The following DGCR8 variants were observed in gnomAD, a reference collection of about 807,000 sequenced individuals.
DGCR8 encodes the protein DGCR8 microprocessor complex subunit.
Under a neutral mutation model 78.5 loss-of-function variants are expected in DGCR8, and 14 were observed. The observed-to-expected ratio is 0.18, with a 90% CI of 0.12 to 0.28. DGCR8 has a LOEUF of 0.28. DGCR8 is among the 10% of genes least tolerant of loss of function. DGCR8 has a pLI of 1.00. For missense variants in DGCR8, 702 were observed against 1,022.5 expected (o/e 0.69, Z 4.28); for synonymous variants, 399 against 402.4 (o/e 0.99, Z 0.10).
chr22:20,107,455 C>T, intron 12 of DGCR8, 57 bp downstream of exon 12: 1 of 1,606,382 alleles, frequency 6.2e-7, no homozygotes, highest in Non-Finnish European at 8.5e-7. Flanking sequence ...GGAGCGTATT[C>T]CTGAGGCTCT....
chr22:20,106,447 C>CGT (rs2049770916), intron 10 of DGCR8, 145 bp from the exon 11 acceptor site: 3 of 805,646 alleles, frequency 3.7e-6, no homozygotes, highest in Non-Finnish European at 6.2e-6. Flanking sequence ...CTGAATCGGG[C>CGT]GTGTGGAGAA....
intron 9 of DGCR8, chr22:20,100,311 C>T (rs994958966): frequency 5.5e-5 from 53 of 960,528 alleles, no homozygotes; most frequent in Non-Finnish European, 6.2e-5. Context: ...GTGATCCGTC[C>T]GTCTTGGCCT....
Position 20,085,710 on chromosome 22 carries a change from C to T in DGCR8, c.-254C>T, listed in dbSNP as rs540406102. On this transcript the variant is annotated 5_prime_UTR_variant, in exon 2 of 14. Transcript: ENST00000351989. This position sits in a 1 kb window ranked among gnomAD's most constrained non-coding sequence, Gnocchi z 6.2. ...AGGTAGAAGAAGAAAGGTGCCACTCCGGCATGAAGACAGACTCGCTTAGTC... is the reference window on the plus strand; with the variant it reads ...AGGTAGAAGAAGAAAGGTGCCACTCTGGCATGAAGACAGACTCGCTTAGTC... 197 of 1,308,182 alleles carry T rather than the reference C, an allele frequency of 1.5e-4. No homozygotes were observed. The African/African-American group carries it at 2.7e-3, about 18-fold the overall frequency. 81.0% of individuals were successfully genotyped at this position (1,308,182 alleles called of 1,614,324 possible). A position where few individuals can be genotyped will look rare whatever the true frequency, so the allele number is the denominator to read the frequency against.
Position 20,092,792 on chromosome 22 carries a change from G to A in DGCR8, c.1607-17G>A. 6.2e-7 allele frequency: 1 copy of A among 1,603,156 alleles called. No individual in the cohort carries two copies. Among genetic ancestry groups the A allele is most frequent in the Non-Finnish European group, 8.5e-7 (1 of 1,171,090 alleles). On this transcript the variant is annotated splice_polypyrimidine_tract_variant and intron_variant, in intron 7 of 13. Coordinates refer to ENST00000351989, the MANE Select transcript of DGCR8 (RefSeq NM_022720.7). ...TCTTGACTCGTATGTTTTAAAACAA[G>A]TAATTTTAATTTTAAGAGAACCCAA... is the stretch of plus-strand genomic sequence containing the variant.
intron 6 of DGCR8, 116 bp from the exon 7 acceptor site, chr22:20,091,753 C>G: frequency 6.7e-7 from 1 of 1,482,124 alleles, no homozygotes; most frequent in South Asian, 1.1e-5. Flanking sequence ...CCCATGAATG[C>G]AGGGGTCTGC....
rs2049505996 is a variant in DGCR8, at chr22:20,087,894, C to T, written c.880+573C>T. ...GGTAGTGGGGAGAGCACTTGAGAGG[C>T]GCCCAGAGTTGCACTGTGAGGCTCT... On this transcript the variant is annotated intron_variant, in intron 3 of 13. Transcript: ENST00000351989. This position sits in a 1 kb window ranked among gnomAD's most constrained non-coding sequence, Gnocchi z 4.1. Among the ~76,000 whole-genome samples the T allele has an allele frequency of 6.6e-6, 1 of 152,050 alleles. No individual in the cohort carries two copies. Among genetic ancestry groups the T allele is most frequent in the Non-Finnish European group, 1.5e-5 (1 of 67,978 alleles).
chr22:20,083,977 G>A (rs991733697), intron 1 of DGCR8, among the ~76,000 whole-genome samples: 2 of 152,208 alleles, frequency 1.3e-5, no homozygotes, highest in African/African-American at 4.8e-5. Context: ...GGAACATACG[G>A]TGTGAAATTC....
At chr22:20,083,530 C>T (rs2049440766) in intron 1 of DGCR8, among the ~76,000 whole-genome samples, 1 of 152,084 alleles carries the variant, frequency 6.6e-6, no homozygotes, top group Non-Finnish European at 1.5e-5. Flanking sequence ...TTCTTCAGTG[C>T]CGCCGCTTGG....
intron 8 of DGCR8, among the ~76,000 whole-genome samples, chr22:20,093,640 C>T (rs2049593005): frequency 6.6e-6 from 1 of 152,220 alleles, no homozygotes; most frequent in Non-Finnish European, 1.5e-5. Flanking sequence ...CTCTTACCGG[C>T]ACTATTTCCT....
In DGCR8 at chr22:20,087,875, G is replaced by C. The variant is rs1465364496; in HGVS notation, c.880+554G>C. Reference sequence around the variant, plus strand: ...TCCTCAACTTTGAGTTGAGGGTAGTGGGGAGAGCACTTGAGAGGCGCCCAG... The same window carrying C: ...TCCTCAACTTTGAGTTGAGGGTAGTCGGGAGAGCACTTGAGAGGCGCCCAG... On this transcript the variant is annotated intron_variant, in intron 3 of 13. Transcript: ENST00000351989. The surrounding 1 kb of genome is among the most constrained non-coding windows in gnomAD (Gnocchi z 4.1). Among the ~76,000 whole-genome samples, 2 of 152,172 alleles carry C rather than the reference G, an allele frequency of 1.3e-5. No homozygotes were observed. Among genetic ancestry groups the C allele is most frequent in the African/African-American group, 4.8e-5 (2 of 41,446 alleles).
chr22:20,092,502 G>A (rs2049577268), intron 7 of DGCR8, among the ~76,000 whole-genome samples: 1 of 152,186 alleles, frequency 6.6e-6, no homozygotes, highest in African/African-American at 2.4e-5. Context: ...CGGCAGTCCT[G>A]TGTCCGTCTT....
chr22:20,094,473 C>A (rs1297441285), intron 8 of DGCR8, among the ~76,000 whole-genome samples: 1 of 152,246 alleles, frequency 6.6e-6, no homozygotes, highest in Non-Finnish European at 1.5e-5. Context: ...GCTCCCAGGA[C>A]CCCAGGGTGA....
At chr22:20,107,169 T>C (rs923746082) in intron 11 of DGCR8, 102 bp from the exon 12 acceptor site, 9 of 1,357,260 alleles carry the variant, frequency 6.6e-6, no homozygotes, top group Non-Finnish European at 7.3e-6. Context: ...GTGCCCTGGC[T>C]GGCCCTCGGG....
intron 9 of DGCR8, chr22:20,101,169 CTG>C (rs1312301030): frequency 1.0e-6 from 1 of 980,764 alleles, no homozygotes; most frequent in Non-Finnish European, 1.2e-6. Context: ...TTTAAGAACT[CTG>C]TTCTGGGAAC....
Position 20,111,487 on chromosome 22 carries a change from C to T in DGCR8, c.*1379C>T, listed in dbSNP as rs1168663435. On this transcript the variant is annotated 3_prime_UTR_variant, in exon 14 of 14. Coordinates refer to ENST00000351989, the MANE Select transcript of DGCR8 (RefSeq NM_022720.7). Reference sequence around the variant, plus strand: ...TGACCTTTAAAAAAGAAACCCTCAACTCAAATTGCTATAATTAGACACTTG... The same window carrying T: ...TGACCTTTAAAAAAGAAACCCTCAATTCAAATTGCTATAATTAGACACTTG... 8 of 398,120 alleles carry T rather than the reference C, an allele frequency of 2.0e-5. No individual in the cohort carries two copies. Among genetic ancestry groups the T allele is most frequent in the Non-Finnish European group, 2.2e-5 (5 of 226,016 alleles). The allele number at this position is 398,120 out of a possible 1,614,324, so 24.7% of individuals were successfully genotyped here. A position where few individuals can be genotyped will look rare whatever the true frequency, so the allele number is the denominator to read the frequency against.
At chr22:20,098,084 G>A (rs1387241817) in intron 9 of DGCR8, among the ~76,000 whole-genome samples, 3 of 147,978 alleles carry the variant, frequency 2.0e-5, no homozygotes, top group Non-Finnish European at 3.0e-5. Flanking sequence ...CTGATACTGC[G>A]CCACTGTGCT....
At chr22:20,104,800 C>A (rs1388704100) in intron 9 of DGCR8, among the ~76,000 whole-genome samples, 3 of 152,228 alleles carry the variant, frequency 2.0e-5, no homozygotes, top group African/African-American at 4.8e-5. Flanking sequence ...GTGCCTTCCT[C>A]TTCTATGCAG....
Position 20,094,556 on chromosome 22 carries a change from C to G in DGCR8, c.1706-157C>G, listed in dbSNP as rs2049604800. ...ACACGTCTGGGCTTTTCCTTCTGTC[C>G]TCTCCTGACCCTGTCACTGAAGTGC... On this transcript the variant is annotated intron_variant, in intron 8 of 13. Coordinates refer to ENST00000351989, the MANE Select transcript of DGCR8 (RefSeq NM_022720.7). Among the ~76,000 whole-genome samples the G allele has an allele frequency of 3.3e-5, 5 of 152,234 alleles. No individual in the cohort carries two copies. The South Asian group carries it at 1.0e-3, about 32-fold the overall frequency.
intron 12 of DGCR8, chr22:20,107,851 TC>T (rs1393491540): frequency 5.7e-6 from 1 of 176,574 alleles, no homozygotes; most frequent in African/African-American, 2.3e-5. Context: ...CTGTCTTGTT[TC>T]TGCTGTTGTG....
Sources: allele counts gnomAD v4.1 joint callset (sites outside exome capture counted in the v4.1 genomes callset), GRCh38; gene constraint gnomAD v4.1.1; non-coding constraint Gnocchi (gnomAD v3.1); transcripts MANE v1.5; gene names NCBI Gene and HGNC (gene_info 2026-07-23, HGNC 2026-07-21).